Variants in TRIP13 observed in about 807,000 individuals in gnomAD.
TRIP13 encodes the protein pachytene checkpoint protein 2 homolog.
Under a neutral mutation model 54.4 loss-of-function variants are expected in TRIP13, and 25 were observed. That is an observed-to-expected ratio of 0.46 (90% CI 0.33 to 0.64). TRIP13 has a LOEUF of 0.64. TRIP13 is among the 30% of genes least tolerant of loss of function. The pLI is 0.02. For missense variants in TRIP13, 373 were observed against 534.2 expected (o/e 0.70, Z 2.97); for synonymous variants, 207 against 207.8 (o/e 1.00, Z 0.03).
At chr5:893,254 G>A (rs1175775447) in intron 1 of TRIP13, among the ~76,000 whole-genome samples, 164 bp downstream of exon 1, 1 of 151,910 alleles carries the variant, frequency 6.6e-6, no homozygotes, top group Non-Finnish European at 1.5e-5. Flanking sequence ...GCCCCGACCG[G>A]ATCCTAGCGC....
In TRIP13 at chr5:915,431, TG is replaced by T; in HGVS notation, c.1134-471del. Among the ~76,000 whole-genome samples the T allele has an allele frequency of 6.8e-6, 1 of 147,730 alleles. No homozygotes were observed. Among genetic ancestry groups the T allele is most frequent in the African/African-American group, 2.5e-5 (1 of 39,408 alleles). On this transcript the variant is annotated intron_variant, in intron 11 of 12. Coordinates refer to ENST00000166345, the MANE Select transcript of TRIP13 (RefSeq NM_004237.4). The surrounding 1 kb of genome is among the most constrained non-coding windows in gnomAD (Gnocchi z 4.2). ...ATGCCTTCCCTGAGCGCAAGGATGCTGGCCCTGGGGCAGAGGCTCCCAGGCA... is the reference window on the plus strand; with the variant it reads ...ATGCCTTCCCTGAGCGCAAGGATGCTGCCCTGGGGCAGAGGCTCCCAGGCA...
chr5:900,433 C>G, intron 3 of TRIP13, 61 bp from the exon 4 acceptor site: 1 of 1,558,334 alleles, frequency 6.4e-7, no homozygotes, highest in Non-Finnish European at 8.8e-7. Context: ...GGGAGACTGA[C>G]TGGGGGTGGC....
chr5:904,251 C>A, intron 6 of TRIP13, 31 bp downstream of exon 6: 1 of 1,557,254 alleles, frequency 6.4e-7, no homozygotes, highest in Non-Finnish European at 8.7e-7. Context: ...AGAGGAGAGC[C>A]ATGGGAATGG....
chr5:907,358 T>C lies in TRIP13; in HGVS notation c.672+165T>C, dbSNP rs1026144059. Among the ~76,000 whole-genome samples, 1 of 152,174 alleles carries C rather than the reference T, an allele frequency of 6.6e-6. No individual in the cohort carries two copies. The highest frequency in any genetic ancestry group is 1.5e-5 in the Non-Finnish European group (1 of 68,032). On this transcript the variant is annotated intron_variant, in intron 7 of 12. Transcript: ENST00000166345. The surrounding 1 kb of genome is among the most constrained non-coding windows in gnomAD (Gnocchi z 4.1). ...AGAGAAGGTTCCGGAGCTGGGGCCC[T>C]TGGGGACCCTCCCTTGGTTCTCCCC...
intron 6 of TRIP13, among the ~76,000 whole-genome samples, chr5:905,814 CT>C (rs1190091951): frequency 2.6e-5 from 4 of 152,222 alleles, no homozygotes; most frequent in African/African-American, 4.8e-5. Flanking sequence ...TCAAAAATGT[CT>C]TGTAAATGTT....
chr5:910,001 GTT>G (rs1247444884), intron 9 of TRIP13, among the ~76,000 whole-genome samples: 5 of 152,202 alleles, frequency 3.3e-5, no homozygotes, highest in Admixed American at 6.5e-5. Flanking sequence ...GTTATGGCCA[GTT>G]TTGGGGCCAG....
intron 5 of TRIP13, 123 bp downstream of exon 5, chr5:901,554 G>T: frequency 2.5e-6 from 2 of 796,982 alleles, no homozygotes; most frequent in Non-Finnish European, 4.1e-6. Flanking sequence ...AGCTGTCCTA[G>T]AATGTCCCCT....
chr5:908,626 A>C lies in TRIP13; in HGVS notation c.866+165A>C. On this transcript the variant is annotated intron_variant, in intron 9 of 12. Coordinates refer to ENST00000166345, the MANE Select transcript of TRIP13 (RefSeq NM_004237.4). This position sits in a 1 kb window ranked among gnomAD's most constrained non-coding sequence, Gnocchi z 5.2. ...TTTTCCACATTGGAAGCAGCATATC[A>C]CAAATGCTTTTTAAAGAAATTGTTT... 6.9e-7 allele frequency: 1 copy of C among 1,445,542 alleles called. No homozygotes were observed. The highest frequency in any genetic ancestry group is 9.1e-7 in the Non-Finnish European group (1 of 1,100,970). 89.5% of individuals were successfully genotyped at this position (1,445,542 alleles called of 1,614,324 possible).
Position 908,180 on chromosome 5 carries a change from G to GC in TRIP13, c.759+109dup, listed in dbSNP as rs758623812. ...AGCTTTCCCCTCCTACAGCCGGGCT[G>GC]CCCTCTATCCCTCCCTGCACTGTGC... On this transcript the variant is annotated intron_variant, in intron 8 of 12. Coordinates refer to ENST00000166345, the MANE Select transcript of TRIP13 (RefSeq NM_004237.4). The surrounding 1 kb of genome is among the most constrained non-coding windows in gnomAD (Gnocchi z 5.2). The GC allele has an allele frequency of 1.6e-4, 229 of 1,441,704 alleles. No individual in the cohort carries two copies. Among genetic ancestry groups the GC allele is most frequent in the Admixed American group, 3.6e-4 (21 of 58,562 alleles). The allele number at this position is 1,441,704 out of a possible 1,614,324, so 89.3% of individuals were successfully genotyped here.
At chr5:900,746 A>G (rs1169021627) in intron 4 of TRIP13, among the ~76,000 whole-genome samples, 197 bp downstream of exon 4, 1 of 152,094 alleles carries the variant, frequency 6.6e-6, no homozygotes, top group African/African-American at 2.4e-5. Context: ...TCCCTGAGGG[A>G]GAAGAGGGAA....
At position 917,135 on chromosome 5, in the gene TRIP13, T is replaced by A. The variant is rs772934642; in HGVS notation, c.*32T>A. Reference sequence around the variant, plus strand: ...GCTTCCCCATCTGGTGCTTTTCCCATGGAGAACACACAACCAGTAAGTGAG... The same window carrying A: ...GCTTCCCCATCTGGTGCTTTTCCCAAGGAGAACACACAACCAGTAAGTGAG... On this transcript the variant is annotated 3_prime_UTR_variant, in exon 13 of 13. Coordinates refer to ENST00000166345, the MANE Select transcript of TRIP13 (RefSeq NM_004237.4). 24 of 1,608,552 alleles carry A rather than the reference T, an allele frequency of 1.5e-5. No homozygotes were observed. Among genetic ancestry groups the A allele is most frequent in the Non-Finnish European group, 2.0e-5 (23 of 1,176,150 alleles).
At chr5:904,082 CTGT>C (rs1348318664) in intron 5 of TRIP13, 63 bp from the exon 6 acceptor site, 1 of 1,408,360 alleles carries the variant, frequency 7.1e-7, no homozygotes, top group Non-Finnish European at 9.8e-7. Flanking sequence ...ATGGAAGTTA[CTGT>C]TGTTTTAAGA....
Position 908,113 on chromosome 5 carries a change from C to T in TRIP13, c.759+39C>T, listed in dbSNP as rs779081382. 2 of 1,609,356 alleles carry T rather than the reference C, an allele frequency of 1.2e-6. No homozygotes were observed. Among genetic ancestry groups the T allele is most frequent in the African/African-American group, 1.3e-5 (1 of 74,898 alleles). On this transcript the variant is annotated intron_variant, in intron 8 of 12. Coordinates refer to ENST00000166345, the MANE Select transcript of TRIP13 (RefSeq NM_004237.4). The surrounding 1 kb of genome is among the most constrained non-coding windows in gnomAD (Gnocchi z 5.2). ...GATAAGGAAATTCATGACAGAATCGCCTTTTGCCATTGTGGGGACACAGCC... is the reference window on the plus strand; with the variant it reads ...GATAAGGAAATTCATGACAGAATCGTCTTTTGCCATTGTGGGGACACAGCC...
chr5:906,689 C>T, intron 6 of TRIP13, among the ~76,000 whole-genome samples: 1 of 152,208 alleles, frequency 6.6e-6, no homozygotes, highest in African/African-American at 2.4e-5. Context: ...TCCAGTCAGT[C>T]TGTGTGTGTT....
downstream of TRIP13, among the ~76,000 whole-genome samples, chr5:918,359 C>T (rs1754375514): frequency 1.3e-5 from 2 of 152,112 alleles, no homozygotes; most frequent in African/African-American, 4.8e-5. The surrounding 1 kb of genome is among the most constrained non-coding windows in gnomAD (Gnocchi z 4.3). Context: ...AGGAGTGGGC[C>T]CAGTCCATGC....
chr5:896,910 A>G, intron 3 of TRIP13, 116 bp downstream of exon 3: 1 of 1,232,972 alleles, frequency 8.1e-7, no homozygotes, highest in Non-Finnish European at 1.1e-6. Flanking sequence ...GGATTTTAGG[A>G]TGTTTTCTCT....
chr5:915,930 T>C lies in TRIP13; in HGVS notation c.1160T>C (p.Val387Ala). Residue 387 changes from valine to alanine, a missense_variant, in exon 12 of 13, where the codon GTC becomes GCC. Physicochemically the swap from Val to Ala is moderately conservative, Grantham distance 64 (BLOSUM62 0). Around this residue, in one of 4 missense-constraint regions of TRIP13, gnomAD observed 101 missense variants for 138.5 expected, o/e 0.73. Transcript: ENST00000166345. This position sits in a 1 kb window ranked among gnomAD's most constrained non-coding sequence, Gnocchi z 4.2. ...AAGAGCGAGGGCCTCAGCGGCCGGG[T>C]CCTGAGAAAACTCCCCTTTCTGGCT... is the stretch of plus-strand genomic sequence containing the variant. ...SRKSEGLSGR[V>A]LRKLPFLAHA... 1 of 1,614,090 alleles carries C rather than the reference T, an allele frequency of 6.2e-7. No individual in the cohort carries two copies. Among genetic ancestry groups the C allele is most frequent in the Middle Eastern group, 1.6e-4 (1 of 6,062 alleles).
chr5:908,226 C>T lies in TRIP13; in HGVS notation c.760-129C>T. On this transcript the variant is annotated intron_variant, in intron 8 of 12. Transcript: ENST00000166345. This position sits in a 1 kb window ranked among gnomAD's most constrained non-coding sequence, Gnocchi z 5.2. ...TGTGCGCCTTTCCACCTTGCCGCAG[C>T]ATCCGCAGGCTAGGCACGGGAACAC... 2 of 1,389,120 alleles carry T rather than the reference C, an allele frequency of 1.4e-6. No homozygotes were observed. The highest frequency in any genetic ancestry group is 2.4e-5 in the South Asian group (2 of 82,530). The allele number at this position is 1,389,120 out of a possible 1,614,324, so 86.0% of individuals were successfully genotyped here. A position where few individuals can be genotyped will look rare whatever the true frequency, so the allele number is the denominator to read the frequency against.
chr5:909,344 A>C (rs1445535992), intron 9 of TRIP13, among the ~76,000 whole-genome samples: 1 of 152,124 alleles, frequency 6.6e-6, no homozygotes, highest in African/African-American at 2.4e-5. Context: ...CCTTCTGTGA[A>C]ATGTTCTTTC....
Sources: allele counts gnomAD v4.1 joint callset (sites outside exome capture counted in the v4.1 genomes callset), GRCh38; gene constraint gnomAD v4.1.1; regional missense constraint gnomAD v4.1.1; non-coding constraint Gnocchi (gnomAD v3.1); transcripts MANE v1.5; gene names NCBI Gene and HGNC (gene_info 2026-07-23, HGNC 2026-07-21).